CASZ1: variants seen among roughly 807,000 people sequenced by gnomAD.
CASZ1 encodes castor zinc finger 1.
Under a neutral mutation model 135.2 loss-of-function variants are expected in CASZ1, and 28 were observed. The observed-to-expected ratio is 0.21, with a 90% CI of 0.15 to 0.28. The LOEUF (loss-of-function observed/expected upper bound fraction) is 0.28, where lower values mean the gene tolerates loss of function less well. Ranked by LOEUF, CASZ1 falls within the 10% of genes least tolerant of loss-of-function variation. The probability of loss-of-function intolerance (pLI) is 1.00; values close to 1 mark genes in which losing one functional copy is unlikely to be tolerated. For synonymous variants in CASZ1, 1,068 were observed against 1,073.4 expected (o/e 0.99, Z 0.10); for missense variants, 2,161 against 2,453.3 (o/e 0.88, Z 2.52).
intron 4 of CASZ1, among the ~76,000 whole-genome samples, chr1:10,668,253 C>T (rs554341158): frequency 1.1e-4 from 17 of 152,344 alleles, no homozygotes; most frequent in Admixed American, 3.3e-4. Flanking sequence ...CCGCCCCCCA[C>T]CCCGCTGTGG....
chr1:10,778,020 ATC>A (rs1341968275), intron 1 of CASZ1, among the ~76,000 whole-genome samples: 1 of 151,354 alleles, frequency 6.6e-6, no homozygotes, highest in African/African-American at 2.4e-5. Flanking sequence ...CACTCATACA[ATC>A]TCACACACAA....
intron 2 of CASZ1, among the ~76,000 whole-genome samples, chr1:10,758,375 A>C (rs1442127028): frequency 7.4e-6 from 1 of 135,808 alleles, no homozygotes; most frequent in Admixed American, 8.3e-5. Context: ...TCTGTCGCCC[A>C]GACTGGAGTG....
chr1:10,646,418 C>G lies in CASZ1; in HGVS notation c.3498-92G>C, dbSNP rs117999173. ...TCACTTGTGTTGGAGTTCACTCCCC[C>G]ACGACCAGCGGTACCACCAAGAGGG... On this transcript the variant is annotated intron_variant, in intron 16 of 20. Coordinates refer to ENST00000377022, the MANE Select transcript of CASZ1 (RefSeq NM_001079843.3). The surrounding 1 kb of genome is among the most constrained non-coding windows in gnomAD (Gnocchi z 6.4). The G allele has an allele frequency of 7.3e-6, 9 of 1,235,068 alleles. No individual in the cohort carries two copies. Among genetic ancestry groups the G allele is most frequent in the Middle Eastern group, 2.3e-4 (1 of 4,318 alleles). 76.5% of individuals were successfully genotyped at this position (1,235,068 alleles called of 1,614,324 possible).
chr1:10,668,621 C>T (rs1018837998), intron 4 of CASZ1, among the ~76,000 whole-genome samples: 1 of 152,272 alleles, frequency 6.6e-6, no homozygotes, highest in African/African-American at 2.4e-5. Context: ...TGCTCTTGGC[C>T]TCCAGCCTCT....
At position 10,647,333 on chromosome 1, in the gene CASZ1, G is replaced by C. The variant is rs952891464; in HGVS notation, c.3497+468C>G. On this transcript the variant is annotated intron_variant, in intron 16 of 20. Transcript: ENST00000377022. The surrounding 1 kb of genome is among the most constrained non-coding windows in gnomAD (Gnocchi z 4.9). Reference sequence around the variant, plus strand: ...AGTGAGGAGGGTCCCTTCCACCCAAGAGCTCAGACCACTGTGCAGGCCAGT... The same window carrying C: ...AGTGAGGAGGGTCCCTTCCACCCAACAGCTCAGACCACTGTGCAGGCCAGT... 1.4e-5 allele frequency: 14 copies of C among 1,009,022 alleles called. No individual in the cohort carries two copies. Among genetic ancestry groups the C allele is most frequent in the Non-Finnish European group, 1.5e-5 (13 of 843,442 alleles). 62.5% of individuals were successfully genotyped at this position (1,009,022 alleles called of 1,614,324 possible). A position where few individuals can be genotyped will look rare whatever the true frequency, so the allele number is the denominator to read the frequency against.
In CASZ1 at chr1:10,774,341, A is replaced by G. The variant is rs1640626049; in HGVS notation, c.-233-13484T>C. On this transcript the variant is annotated intron_variant, in intron 1 of 20. Coordinates refer to ENST00000377022, the MANE Select transcript of CASZ1 (RefSeq NM_001079843.3). This position sits in a 1 kb window ranked among gnomAD's most constrained non-coding sequence, Gnocchi z 4.4. ...CAACTCTGACTGCTTTCGGCAGCAC[A>G]CTGTCAAATCTGCCCTGGCCTTGGC... 1.3e-5 allele frequency among the ~76,000 whole-genome samples: 2 copies of G among 152,078 alleles called. No individual in the cohort carries two copies. The highest frequency in any genetic ancestry group is 1.3e-4 in the Admixed American group (2 of 15,280).
At chr1:10,698,042 G>A (rs1011144820) in intron 3 of CASZ1, among the ~76,000 whole-genome samples, 3 of 152,244 alleles carry the variant, frequency 2.0e-5, no homozygotes, top group Non-Finnish European at 4.4e-5. Context: ...ACAGGTGGGT[G>A]TTGGGGCAGG....
chr1:10,718,723 G>C (rs1363399421), intron 2 of CASZ1, among the ~76,000 whole-genome samples: 1 of 152,238 alleles, frequency 6.6e-6, no homozygotes, highest in Non-Finnish European at 1.5e-5. Context: ...TGGGGAGTGG[G>C]CAGCAGACCC....
intron 5 of CASZ1, among the ~76,000 whole-genome samples, chr1:10,662,509 G>A (rs368032785): frequency 6.6e-6 from 1 of 150,934 alleles, no homozygotes; most frequent in African/African-American, 2.4e-5. Context: ...CCCACACACG[G>A]TCACATGCAC....
intron 1 of CASZ1, among the ~76,000 whole-genome samples, chr1:10,768,507 T>A (rs1017762493): frequency 3.9e-5 from 6 of 152,184 alleles, no homozygotes; most frequent in Non-Finnish European, 8.8e-5. Context: ...CATGAGCCAC[T>A]GCACCTGGCC....
In CASZ1 at chr1:10,755,465, C is replaced by T. The variant is rs1055417777; in HGVS notation, c.-77+5236G>A. Among the ~76,000 whole-genome samples, 4 of 152,174 alleles carry T rather than the reference C, an allele frequency of 2.6e-5. No homozygotes were observed. Among genetic ancestry groups the T allele is most frequent in the African/African-American group, 4.8e-5 (2 of 41,452 alleles). On this transcript the variant is annotated intron_variant, in intron 2 of 20. Coordinates refer to ENST00000377022, the MANE Select transcript of CASZ1 (RefSeq NM_001079843.3). This position sits in a 1 kb window ranked among gnomAD's most constrained non-coding sequence, Gnocchi z 4.3. ...GCTTCTCTCTTCGTCCACCACACCG[C>T]GTCAACCCTCCCAAATCCACGGGTT... is the stretch of plus-strand genomic sequence containing the variant.
rs371445629 is a variant in CASZ1, at chr1:10,660,509, G to A, written c.533C>T (p.Ala178Val). ...SGEASSLRDY[A>V]ASTMTEFLGM... ...GAGGAACTCGGTCATGGTGGAGGCCGCGTAGTCCCGCAGCGAGGAGGCCTC... is the reference window on the plus strand; with the variant it reads ...GAGGAACTCGGTCATGGTGGAGGCCACGTAGTCCCGCAGCGAGGAGGCCTC... Residue 178 changes from alanine (A) to valine (V), a missense_variant, in exon 6 of 21, where the codon GCG (alanine) becomes GTG (valine). Ala to Val is a moderately conservative substitution (Grantham distance 64). Coordinates refer to ENST00000377022, the MANE Select transcript of CASZ1 (RefSeq NM_001079843.3). 67 of 1,613,376 alleles carry A rather than the reference G, an allele frequency of 4.2e-5. No individual in the cohort carries two copies. The highest frequency in any genetic ancestry group is 5.1e-5 in the Non-Finnish European group (60 of 1,179,928).
rs1164812392 is a variant in CASZ1, at chr1:10,747,079, A to G, written c.-77+13622T>C. 6.6e-6 allele frequency among the ~76,000 whole-genome samples: 1 copy of G among 152,232 alleles called. No homozygotes were observed. Among genetic ancestry groups the G allele is most frequent in the African/African-American group, 2.4e-5 (1 of 41,468 alleles). ...TCCATGGAGTGACAAATGGCATGTG[A>G]TGGCCACCCAGTTGGCAGTGCCATT... On this transcript the variant is annotated intron_variant, in intron 2 of 20. Coordinates refer to ENST00000377022, the MANE Select transcript of CASZ1 (RefSeq NM_001079843.3). This position sits in a 1 kb window ranked among gnomAD's most constrained non-coding sequence, Gnocchi z 4.3.
chr1:10,771,004 C>T (rs1327349547), intron 1 of CASZ1, among the ~76,000 whole-genome samples: 2 of 152,228 alleles, frequency 1.3e-5, no homozygotes, highest in Non-Finnish European at 2.9e-5. Flanking sequence ...CAAGCATCTC[C>T]TCCTGGGATT....
In CASZ1 at chr1:10,694,277, C is replaced by A. The variant is rs1217574649; in HGVS notation, c.-23-365G>T. On this transcript the variant is annotated intron_variant, in intron 3 of 20. Transcript: ENST00000377022. This position sits in a 1 kb window ranked among gnomAD's most constrained non-coding sequence, Gnocchi z 6.6. ...GAGACCGCGGCCCCCGGGCCTCCCC[C>A]GCCCGCGCCCGGTACTCACCATAGT... 1.9e-6 allele frequency: 2 copies of A among 1,057,662 alleles called. No individual in the cohort carries two copies. Among genetic ancestry groups the A allele is most frequent in the Non-Finnish European group, 2.3e-6 (2 of 865,464 alleles). 65.5% of individuals were successfully genotyped at this position (1,057,662 alleles called of 1,614,324 possible).
chr1:10,639,596 C>G lies in CASZ1; in HGVS notation c.4626G>C (p.Val1542=). 1 of 1,611,832 alleles carries G rather than the reference C, an allele frequency of 6.2e-7. No homozygotes were observed. The highest frequency in any genetic ancestry group is 8.5e-7 in the Non-Finnish European group (1 of 1,179,812). Reference sequence around the variant, plus strand: ...ACTGGCAGAAGCCCGCGGCGCTGATCACGTCCTGTTTGCCGTGGTGCTTGC... The same window carrying G: ...ACTGGCAGAAGCCCGCGGCGCTGATGACGTCCTGTTTGCCGTGGTGCTTGC... The part of the protein sequence containing the change: ...AHRKHHGKQD[V]ISAAGFCQFS... Residue 1542 remains valine (V), a synonymous_variant, in exon 21 of 21, where the codon GTG becomes GTC. Coordinates refer to ENST00000377022, the MANE Select transcript of CASZ1 (RefSeq NM_001079843.3). The surrounding 1 kb of genome is among the most constrained non-coding windows in gnomAD (Gnocchi z 4.0).
At chr1:10,656,782 TC>T in intron 7 of CASZ1, 46 bp from the exon 8 acceptor site, 1 of 1,316,498 alleles carries the variant, frequency 7.6e-7, no homozygotes, top group Non-Finnish European at 1.1e-6. Flanking sequence ...TGGGTGACAG[TC>T]CCAGCCCCAG....
chr1:10,792,210 G>T (rs1304542492), intron 1 of CASZ1, among the ~76,000 whole-genome samples: 1 of 141,348 alleles, frequency 7.1e-6, no homozygotes, highest in Non-Finnish European at 1.5e-5. Context: ...TATAGCAGGG[G>T]TGGAGTCAGT....
intron 4 of CASZ1, among the ~76,000 whole-genome samples, chr1:10,670,392 GT>G (rs1643362710): frequency 6.6e-6 from 1 of 152,210 alleles, no homozygotes; most frequent in East Asian, 1.9e-4. Context: ...CCCCACCTGT[GT>G]CCCCCACAGC....
Sources: gnomAD v4.1 joint callset for allele counts (sites outside exome capture counted in the v4.1 genomes callset) on GRCh38, gnomAD v4.1.1 for gene constraint, Gnocchi (gnomAD v3.1) non-coding constraint, MANE v1.5 for transcripts, NCBI Gene and HGNC (gene_info 2026-07-23, HGNC 2026-07-21) for gene names.